NAALADL2: variants seen among roughly 807,000 people sequenced by gnomAD.
NAALADL2 encodes the protein inactive N-acetylated-alpha-linked acidic dipeptidase-like protein 2.
NAALADL2 carries 76 observed loss-of-function variants against 87.2 expected under a neutral mutation model. The observed-to-expected ratio is 0.87, with a 90% CI of 0.72 to 1.05. The LOEUF (loss-of-function observed/expected upper bound fraction) is 1.05. NAALADL2 is among the 50% of genes least tolerant of loss of function. The probability of loss-of-function intolerance (pLI) is 0.00; values close to 1 mark genes in which losing one functional copy is unlikely to be tolerated. For missense variants in NAALADL2, 1,089 were observed against 945.8 expected, an observed-to-expected ratio of 1.15 and a Z score of -1.99; for synonymous variants, 354 against 331.0, an observed-to-expected ratio of 1.07 and a Z score of -0.75.
intron 13 of NAALADL2, among the ~76,000 whole-genome samples, chr3:175,781,090 A>C (rs1751002605): frequency 6.6e-6 from 1 of 152,192 alleles, no homozygotes; most frequent in Non-Finnish European, 1.5e-5. Context: ...TAAGAGATTA[A>C]ATATCTGGGA....
intron 2 of NAALADL2, among the ~76,000 whole-genome samples, chr3:174,732,469 T>G (rs1732795935): frequency 6.6e-6 from 1 of 152,102 alleles, no homozygotes; most frequent in Non-Finnish European, 1.5e-5. Flanking sequence ...ATGGAAATGT[T>G]GAGTAACAAA....
At chr3:174,962,172 A>G (rs2108561447) in intron 1 of NAALADL2, among the ~76,000 whole-genome samples, 1 of 151,778 alleles carries the variant, frequency 6.6e-6, no homozygotes, top group East Asian at 2.0e-4. Flanking sequence ...TGCTGTGCAG[A>G]TCCTAGGGCC....
chr3:175,733,423 A>G (rs191845227), intron 11 of NAALADL2, among the ~76,000 whole-genome samples: 200 of 152,280 alleles, frequency 1.3e-3, no homozygotes, highest in Non-Finnish European at 2.3e-3. Context: ...CATGAGACCC[A>G]TTCACTATCA....
chr3:174,490,229 A>T (rs1284193910), intron 1 of NAALADL2, among the ~76,000 whole-genome samples: 2 of 152,154 alleles, frequency 1.3e-5, no homozygotes, highest in African/African-American at 4.8e-5. Flanking sequence ...TTGGCAATAA[A>T]AAATGAAGTA....
intron 2 of NAALADL2, among the ~76,000 whole-genome samples, chr3:174,651,940 C>A (rs777299220): frequency 6.6e-5 from 10 of 152,126 alleles, no homozygotes; most frequent in African/African-American, 2.4e-4. Context: ...CCACCCAAAT[C>A]AAAAGAGAGT....
At chr3:175,172,070 C>T (rs777802715) in intron 2 of NAALADL2, among the ~76,000 whole-genome samples, 3 of 151,978 alleles carry the variant, frequency 2.0e-5, no homozygotes, top group Admixed American at 6.6e-5. Flanking sequence ...CTTGAAATGT[C>T]CTCAACACAC....
rs566593558 is a variant in NAALADL2, at chr3:175,702,317, A to G, written c.1897-34989A>G. Among the ~76,000 whole-genome samples the G allele has an allele frequency of 2.8e-4, 42 of 152,262 alleles. No individual in the cohort carries two copies. In the East Asian group the frequency reaches 8.1e-3, roughly 29 times the overall value. On this transcript the variant is annotated intron_variant, in intron 11 of 13. Coordinates refer to ENST00000454872, the MANE Select transcript of NAALADL2 (RefSeq NM_207015.3). ...TTTATAAAAGGAATTTTCACTGGTG[A>G]ATCTGTAATATAAAGTTAATGTTAT... is the stretch of plus-strand genomic sequence containing the variant.
chr3:175,170,209 T>G (rs1242090167), intron 2 of NAALADL2, among the ~76,000 whole-genome samples: 1 of 151,648 alleles, frequency 6.6e-6, no homozygotes, highest in South Asian at 2.1e-4. Context: ...AATTGCAAAA[T>G]CATACCATTT....
chr3:175,536,940 C>T (rs1269081447), intron 9 of NAALADL2, among the ~76,000 whole-genome samples: 7 of 152,164 alleles, frequency 4.6e-5, no homozygotes, highest in Admixed American at 4.6e-4. Flanking sequence ...AGAGATCGCG[C>T]CACTGCGCTC....
intron 1 of NAALADL2, among the ~76,000 whole-genome samples, chr3:174,909,707 T>G (rs1051647957): frequency 4.6e-5 from 7 of 152,128 alleles, no homozygotes; most frequent in African/African-American, 1.7e-4. Flanking sequence ...CTTCCTACTT[T>G]TGAGTTTCTT....
At chr3:175,115,606 T>A (rs1276293901) in intron 2 of NAALADL2, among the ~76,000 whole-genome samples, 1 of 151,632 alleles carries the variant, frequency 6.6e-6, no homozygotes, top group Non-Finnish European at 1.5e-5. Flanking sequence ...TTTTGATGGG[T>A]TAAGAAGCCA....
intron 9 of NAALADL2, among the ~76,000 whole-genome samples, chr3:175,515,350 G>T (rs552869742): frequency 1.2e-4 from 18 of 152,202 alleles, no homozygotes; most frequent in African/African-American, 4.1e-4. Flanking sequence ...CCATTTCTCT[G>T]CAATCATTGA....
chr3:174,517,947 G>A (rs1226703962), intron 1 of NAALADL2, among the ~76,000 whole-genome samples: 9 of 152,110 alleles, frequency 5.9e-5, no homozygotes, highest in Non-Finnish European at 1.2e-4. Flanking sequence ...AATCTCAAAT[G>A]CCTGTAGAGG....
chr3:175,764,443 G>A (rs1748418005), intron 13 of NAALADL2, among the ~76,000 whole-genome samples: 1 of 151,322 alleles, frequency 6.6e-6, no homozygotes, highest in South Asian at 2.1e-4. Context: ...TATGGAAGAT[G>A]TCACAGCAGG....
intron 2 of NAALADL2, among the ~76,000 whole-genome samples, chr3:174,715,231 G>T (rs1731071662): frequency 6.6e-6 from 1 of 151,848 alleles, no homozygotes; most frequent in South Asian, 2.1e-4. Context: ...ATTTTTTTAG[G>T]CTAGTTCTTT....
At chr3:175,439,672 A>G (rs1454321840) in intron 5 of NAALADL2, among the ~76,000 whole-genome samples, 4 of 136,954 alleles carry the variant, frequency 2.9e-5, no homozygotes, top group Non-Finnish European at 4.8e-5. Flanking sequence ...TTGTTAGCCT[A>G]CTTTTTGATG....
intron 5 of NAALADL2, among the ~76,000 whole-genome samples, chr3:175,379,898 C>G (rs1418356018): frequency 6.6e-6 from 1 of 152,080 alleles, no homozygotes; most frequent in Non-Finnish European, 1.5e-5. Flanking sequence ...TATGTTTACT[C>G]AGAGAAGCAT....
In NAALADL2 at chr3:174,777,449, T is replaced by C. The variant is rs76531926; in HGVS notation, c.-9+39703T>C. 8.3e-4 allele frequency among the ~76,000 whole-genome samples: 126 copies of C among 152,278 alleles called. 1 individual carries two copies. In the East Asian group the frequency reaches 0.02, roughly 25 times the overall value. On this transcript the variant is annotated intron_variant, in intron 3 of 3. Transcript: ENST00000434257. ...AACCTAATTGTAATTGGTTTTAAGA[T>C]ACTTTTGAACTGGTTATATATCATC...
chr3:175,520,915 T>C (rs1486452188), intron 9 of NAALADL2, among the ~76,000 whole-genome samples: 4 of 152,154 alleles, frequency 2.6e-5, no homozygotes, highest in African/African-American at 9.7e-5. Context: ...AGCCCTACTT[T>C]TACGGGTAAA....
Sources: allele counts gnomAD v4.1 joint callset (sites outside exome capture counted in the v4.1 genomes callset), GRCh38; gene constraint gnomAD v4.1.1; transcripts MANE v1.5; gene names NCBI Gene and HGNC (gene_info 2026-07-23, HGNC 2026-07-21).